The following ERG variants were observed in gnomAD, a reference collection of about 807,000 sequenced individuals.
ERG encodes the protein transcriptional regulator ERG.
ERG carries 9 observed loss-of-function variants against 55.3 expected under a neutral mutation model. That is an observed-to-expected ratio of 0.16 (90% CI 0.10 to 0.28). The LOEUF (loss-of-function observed/expected upper bound fraction) is 0.28, where lower values mean the gene tolerates loss of function less well. Among genes scored for constraint, ERG ranks in the 10% least tolerant of loss-of-function variants. The probability of loss-of-function intolerance (pLI) is 1.00; values close to 1 mark genes in which losing one functional copy is unlikely to be tolerated. For synonymous variants in ERG, 223 were observed against 237.3 expected (o/e 0.94, Z 0.55); for missense variants, 434 against 631.6 (o/e 0.69, Z 3.35).
At chr21:38,432,342 C>A (rs1390456730) in intron 2 of ERG, among the ~76,000 whole-genome samples, 1 of 152,222 alleles carries the variant, frequency 6.6e-6, no homozygotes, top group Admixed American at 6.5e-5. Flanking sequence ...AATCCTCCCA[C>A]CTCAGCCTCC....
rs138124970 is a variant in ERG, at chr21:38,403,354, T to C, written c.592+152A>G. ...GCCAGGGTGTTGCTCCCCTAAGTCA[T>C]CACATACCAAGCATGTGGCTCCCTC... On this transcript the variant is annotated intron_variant, in intron 4 of 9. Coordinates refer to ENST00000288319, the MANE Select transcript of ERG (RefSeq NM_182918.4). The C allele has an allele frequency of 2.8e-3, 2,039 of 730,214 alleles. 12 individuals carry two copies. The highest frequency in any genetic ancestry group is 0.011 in the South Asian group (655 of 58,588). The allele number at this position is 730,214 out of a possible 1,614,324, so 45.2% of individuals were successfully genotyped here.
chr21:38,403,368 T>C, intron 4 of ERG, 138 bp downstream of exon 4: 1 of 777,616 alleles, frequency 1.3e-6, no homozygotes, highest in Non-Finnish European at 2.2e-6. Context: ...ATACCAAGCA[T>C]GTGGCTCCCT....
At chr21:38,472,873 G>A (rs942820690) in intron 1 of ERG, among the ~76,000 whole-genome samples, 9 of 152,204 alleles carry the variant, frequency 5.9e-5, no homozygotes, top group African/African-American at 2.2e-4. Context: ...TGCATGCTGG[G>A]CCTGACTTTT....
At chr21:38,497,816 G>A (rs559546748) in intron 1 of ERG, among the ~76,000 whole-genome samples, 45 of 152,240 alleles carry the variant, frequency 3.0e-4, no homozygotes, top group African/African-American at 7.2e-4. Flanking sequence ...TTTGAGTTAC[G>A]TGAGCACTCA....
chr21:38,582,067 G>A (rs1292667042), intron 1 of ERG, among the ~76,000 whole-genome samples: 15 of 142,054 alleles, frequency 1.1e-4, no homozygotes, highest in Non-Finnish European at 2.1e-4. Context: ...AAAAAAAAAA[G>A]GGCAGAGGCT....
chr21:38,548,052 C>T (rs1368830778), intron 2 of ERG, among the ~76,000 whole-genome samples: 1 of 151,606 alleles, frequency 6.6e-6, no homozygotes, highest in Non-Finnish European at 1.5e-5. Context: ...TATTTTTCTC[C>T]AAAAAAAATT....
chr21:38,456,719 C>T (rs2058993207), intron 1 of ERG, among the ~76,000 whole-genome samples: 1 of 152,228 alleles, frequency 6.6e-6, no homozygotes, highest in Admixed American at 6.5e-5. Context: ...GGTCCAATCC[C>T]TGCCAAGGTC....
intron 1 of ERG, among the ~76,000 whole-genome samples, chr21:38,655,227 C>T (rs1167806571): frequency 6.6e-6 from 1 of 152,154 alleles, no homozygotes; most frequent in Non-Finnish European, 1.5e-5. Flanking sequence ...CAGTCACCCC[C>T]TCTTCCTCCC....
At chr21:38,534,722 T>C (rs1411817027) in intron 2 of ERG, among the ~76,000 whole-genome samples, 2 of 152,186 alleles carry the variant, frequency 1.3e-5, no homozygotes, top group African/African-American at 4.8e-5. Flanking sequence ...CTTCTGGGTA[T>C]ATATTCAAAA....
At chr21:38,609,703 T>C (rs538955002) in intron 1 of ERG, among the ~76,000 whole-genome samples, 7 of 152,230 alleles carry the variant, frequency 4.6e-5, no homozygotes, top group Middle Eastern at 3.2e-3. Flanking sequence ...CACATGCATA[T>C]GTGTGAAATC....
chr21:38,403,980 G>A lies in ERG; in HGVS notation c.389-271C>T, dbSNP rs371736044. 1.1e-4 allele frequency among the ~76,000 whole-genome samples: 16 copies of A among 152,106 alleles called. No individual in the cohort carries two copies. In the East Asian group the frequency reaches 2.5e-3, roughly 24 times the overall value. ...TTTGCTCAATCTAAAGTTTCCTGTA[G>A]GCATAAGATTTTAAAAATTCTTTTT... is the stretch of plus-strand genomic sequence containing the variant. On this transcript the variant is annotated intron_variant, in intron 3 of 9. Transcript: ENST00000288319.
At chr21:38,402,738 AAAAG>A (rs1170101688) in intron 4 of ERG, 101 bp from the exon 5 acceptor site, 8 of 827,050 alleles carry the variant, frequency 9.7e-6, no homozygotes, top group African/African-American at 1.8e-5. Context: ...AAAAGAAAGA[AAAAG>A]AAAGAAAGAA....
chr21:38,405,099 T>C (rs2074028562), intron 3 of ERG, among the ~76,000 whole-genome samples: 1 of 152,178 alleles, frequency 6.6e-6, no homozygotes, highest in Non-Finnish European at 1.5e-5. Context: ...ATTCTCCTAC[T>C]GCAAACACCT....
intron 1 of ERG, among the ~76,000 whole-genome samples, chr21:38,468,427 G>A (rs1249875565): frequency 1.3e-5 from 2 of 152,196 alleles, no homozygotes; most frequent in East Asian, 1.9e-4. Context: ...CTTGAAAGGA[G>A]CAAAGCTTTT....
intron 3 of ERG, among the ~76,000 whole-genome samples, chr21:38,417,877 C>T (rs1485570797): frequency 6.6e-6 from 1 of 152,108 alleles, no homozygotes. Flanking sequence ...GCGAGAGGTC[C>T]TATTGCATTT....
At chr21:38,530,008 G>A (rs554342029) in intron 2 of ERG, among the ~76,000 whole-genome samples, 1 of 152,224 alleles carries the variant, frequency 6.6e-6, no homozygotes, top group South Asian at 2.1e-4. Flanking sequence ...GAACAATTGA[G>A]GAAACTGGGG....
intron 1 of ERG, among the ~76,000 whole-genome samples, chr21:38,600,546 A>G (rs1247279243): frequency 2.0e-5 from 3 of 152,198 alleles, no homozygotes; most frequent in Admixed American, 2.0e-4. Context: ...GACTCCCATC[A>G]TGGCAGAACT....
At chr21:38,581,668 A>G (rs2146876644) in intron 1 of ERG, among the ~76,000 whole-genome samples, 1 of 152,276 alleles carries the variant, frequency 6.6e-6, no homozygotes, top group East Asian at 1.9e-4. Context: ...CAAAATCTCC[A>G]TAAAATACCC....
chr21:38,422,311 A>T (rs1413052129), intron 3 of ERG, among the ~76,000 whole-genome samples: 1 of 152,254 alleles, frequency 6.6e-6, no homozygotes, highest in Non-Finnish European at 1.5e-5. Context: ...AACAGGAGGG[A>T]ACCCACAGAA....
Sources: allele counts gnomAD v4.1 joint callset (sites outside exome capture counted in the v4.1 genomes callset), GRCh38; gene constraint gnomAD v4.1.1; transcripts MANE v1.5; gene names NCBI Gene and HGNC (gene_info 2026-07-23, HGNC 2026-07-21).